AUH: variants seen among roughly 807,000 people sequenced by gnomAD.
AUH encodes the protein methylglutaconyl-CoA hydratase, mitochondrial.
AUH carries 29 observed loss-of-function variants against 42.3 expected under a neutral mutation model. That is an observed-to-expected ratio of 0.69 (90% CI 0.51 to 0.93). The LOEUF (loss-of-function observed/expected upper bound fraction) is 0.93, where lower values mean the gene tolerates loss of function less well. Ranked by LOEUF, AUH falls within the 40% of genes least tolerant of loss-of-function variation. AUH has a pLI of 0.00. For synonymous variants in AUH, 174 were observed against 166.4 expected (o/e 1.05, Z -0.35); for missense variants, 452 against 438.1 (o/e 1.03, Z -0.28).
In AUH at chr9:91,316,961, G is replaced by C. The variant is rs185243092; in HGVS notation, c.505+8357C>G. Among the ~76,000 whole-genome samples the C allele has an allele frequency of 9.2e-4, 140 of 152,178 alleles. No homozygotes were observed. In the Middle Eastern group the frequency reaches 0.01, roughly 11 times the overall value. Reference sequence around the variant, plus strand: ...AACTCTTCTCTCTGTTAAGATCATTGAAGTTTTAGTTTCCACTTCTAAACA... The same window carrying C: ...AACTCTTCTCTCTGTTAAGATCATTCAAGTTTTAGTTTCCACTTCTAAACA... On this transcript the variant is annotated intron_variant, in intron 4 of 9. Transcript: ENST00000375731.
intron 4 of AUH, among the ~76,000 whole-genome samples, chr9:91,307,076 T>G (rs117778277): frequency 8.7e-4 from 133 of 152,138 alleles, no homozygotes; most frequent in African/African-American, 2.9e-3. Flanking sequence ...TGAGGATAAG[T>G]TGAGGGTAGC....
intron 6 of AUH, among the ~76,000 whole-genome samples, chr9:91,280,352 A>G (rs1420714926): frequency 2.0e-5 from 3 of 152,216 alleles, no homozygotes; most frequent in Non-Finnish European, 2.9e-5. Flanking sequence ...TAAAATGTAA[A>G]TAAGACCACC....
intron 3 of AUH, among the ~76,000 whole-genome samples, chr9:91,355,623 T>C (rs1288267009): frequency 6.6e-6 from 1 of 152,098 alleles, no homozygotes; most frequent in Non-Finnish European, 1.5e-5. Context: ...TTGTACTACA[T>C]GTACTACAGG....
intron 6 of AUH, among the ~76,000 whole-genome samples, chr9:91,264,828 G>C (rs1448980012): frequency 6.6e-6 from 1 of 152,122 alleles, no homozygotes; most frequent in Non-Finnish European, 1.5e-5. Context: ...TCTTAACTTT[G>C]CTATCTTATA....
At chr9:91,227,262 G>A (rs1082057) in intron 6 of AUH, among the ~76,000 whole-genome samples, 3,192 of 138,340 alleles carry the variant, frequency 0.023, 213 homozygotes, top group East Asian at 0.23. Flanking sequence ...TGAAGAGGTC[G>A]TTCACATCCC....
intron 1 of AUH, among the ~76,000 whole-genome samples, chr9:91,361,049 C>A (rs1467455924): frequency 6.6e-6 from 1 of 152,172 alleles, no homozygotes; most frequent in African/African-American, 2.4e-5. Flanking sequence ...AAGATCCATA[C>A]CATCCACATT....
In AUH at chr9:91,220,963, C is replaced by A; in HGVS notation, c.685G>T (p.Gly229Ter). ...GGTQRLPRAI[G>*]MSLAKELIFS... ...ATGAGCTCCTTGGCCAGGGACATTC[C>A]AATGGCGCGTGGCAATCGCTGTGTC... Residue 229 changes from glycine to a stop codon, truncating the protein, a stop_gained, in exon 7 of 10, where the codon GGA becomes TGA. Coordinates refer to ENST00000375731, the MANE Select transcript of AUH (RefSeq NM_001698.3). LOFTEE classifies it high-confidence loss of function. The A allele has an allele frequency of 6.2e-7, 1 of 1,614,176 alleles. No individual in the cohort carries two copies. Among genetic ancestry groups the A allele is most frequent in the African/African-American group, 1.3e-5 (1 of 75,042 alleles).
chr9:91,353,730 C>T (rs1832178226), intron 3 of AUH, among the ~76,000 whole-genome samples: 1 of 137,560 alleles, frequency 7.3e-6, no homozygotes, highest in Non-Finnish European at 1.5e-5. Flanking sequence ...TCCAGCTACT[C>T]GGGAGGCTGA....
intron 6 of AUH, among the ~76,000 whole-genome samples, chr9:91,238,581 A>G (rs79589404): frequency 0.031 from 4,772 of 152,352 alleles, 232 homozygotes; most frequent in African/African-American, 0.1. Flanking sequence ...TCATGCAACA[A>G]AATGTCTTCA....
intron 4 of AUH, chr9:91,306,438 A>G (rs1329299138): frequency 2.1e-6 from 2 of 944,628 alleles, no homozygotes; most frequent in East Asian, 2.3e-4. Context: ...TATTTCTGAT[A>G]AAAAGATAAC....
intron 6 of AUH, among the ~76,000 whole-genome samples, chr9:91,247,383 T>C (rs577682355): frequency 1.3e-5 from 2 of 152,002 alleles, no homozygotes; most frequent in African/African-American, 4.8e-5. Flanking sequence ...GCAGATCATC[T>C]CTCCTGTCTC....
chr9:91,316,848 G>A (rs1829198455), intron 4 of AUH, among the ~76,000 whole-genome samples: 1 of 152,120 alleles, frequency 6.6e-6, no homozygotes, highest in African/African-American at 2.4e-5. Flanking sequence ...TTTATTTATA[G>A]TATGTTTTCA....
intron 6 of AUH, among the ~76,000 whole-genome samples, chr9:91,281,253 G>A (rs1825942922): frequency 6.6e-6 from 1 of 152,038 alleles, no homozygotes; most frequent in Non-Finnish European, 1.5e-5. Context: ...AATTTCTATT[G>A]CTCTATCTTC....
At chr9:91,248,886 A>C (rs1828948530) in intron 6 of AUH, among the ~76,000 whole-genome samples, 2 of 152,214 alleles carry the variant, frequency 1.3e-5, no homozygotes. Flanking sequence ...TATTATTAGC[A>C]GGCTAGCACA....
rs530272029 is a variant in AUH, at chr9:91,256,533, G to A, written c.656-35541C>T. Among the ~76,000 whole-genome samples the A allele has an allele frequency of 5.3e-5, 8 of 152,150 alleles. No homozygotes were observed. In the South Asian group the frequency reaches 1.7e-3, roughly 32 times the overall value. On this transcript the variant is annotated intron_variant, in intron 6 of 9. Coordinates refer to ENST00000375731, the MANE Select transcript of AUH (RefSeq NM_001698.3). ...GAGAAGGGAGAGGAGGAAAGTCACT[G>A]TAGTCTTAACAAGGAGGGCTGGGAT...
intron 4 of AUH, among the ~76,000 whole-genome samples, chr9:91,308,444 T>C (rs528410490): frequency 2.6e-5 from 4 of 152,312 alleles, no homozygotes; most frequent in African/African-American, 9.6e-5. Context: ...CTCCCAGATG[T>C]TTGTTTTCAT....
At chr9:91,329,487 C>T (rs1442908830) in intron 3 of AUH, among the ~76,000 whole-genome samples, 1 of 152,050 alleles carries the variant, frequency 6.6e-6, no homozygotes, top group African/African-American at 2.4e-5. Context: ...TTGCATTTCC[C>T]TAATGACTAA....
intron 6 of AUH, among the ~76,000 whole-genome samples, chr9:91,226,012 C>T (rs1379060458): frequency 2.7e-5 from 4 of 146,490 alleles, no homozygotes; most frequent in African/African-American, 2.5e-5. Context: ...AATAAACATA[C>T]GTGTGCATGT....
chr9:91,359,402 A>G (rs1269955941), intron 1 of AUH, among the ~76,000 whole-genome samples: 3 of 152,028 alleles, frequency 2.0e-5, no homozygotes, highest in African/African-American at 7.2e-5. Flanking sequence ...TGTTGTTGCT[A>G]TTTTACATAA....
Sources: gnomAD v4.1 joint callset for allele counts (sites outside exome capture counted in the v4.1 genomes callset) on GRCh38, gnomAD v4.1.1 for gene constraint, MANE v1.5 for transcripts, NCBI Gene and HGNC (gene_info 2026-07-23, HGNC 2026-07-21) for gene names.